The following MICU3 variants were observed in gnomAD, a reference collection of about 807,000 sequenced individuals.
MICU3 encodes mitochondrial calcium uptake 3, also known as calcium uptake protein 3, mitochondrial.
A neutral mutation model predicts 66.5 loss-of-function variants in MICU3; 62 were observed. That is an observed-to-expected ratio of 0.93 (90% CI 0.76 to 1.15). The LOEUF is 1.15. Ranked by LOEUF, MICU3 falls within the 50% of genes most tolerant of loss-of-function variation. MICU3 has a pLI of 0.00. For missense variants in MICU3, 779 were observed against 664.4 expected (o/e 1.17, Z -1.90); for synonymous variants, 308 against 240.7 (o/e 1.28, Z -2.59).
the MICU3 span, among the ~76,000 whole-genome samples, chr8:17,134,733 C>T: frequency 1.4e-4 from 22 of 152,220 alleles, no homozygotes; most frequent in East Asian, 1.7e-3. Flanking sequence ...CGTGAGCCAC[C>T]ACACTGGCCG....
chr8:17,134,235 G>C, the MICU3 span: 1 of 152,228 alleles, frequency 6.6e-6, no homozygotes, highest in Non-Finnish European at 1.5e-5. Flanking sequence ...AAGATCTGCA[G>C]GGGGAGGTGG....
At chr8:17,102,743 G>A (rs1248245444) in intron 9 of MICU3, 1 of 151,860 alleles carries the variant, frequency 6.6e-6, no homozygotes, top group East Asian at 1.9e-4. Context: ...TGTGACACTT[G>A]GCTACCTGGC....
At chr8:17,042,711 A>G (rs1814360072) in intron 1 of MICU3, among the ~76,000 whole-genome samples, 1 of 152,118 alleles carries the variant, frequency 6.6e-6, no homozygotes, top group African/African-American at 2.4e-5. Context: ...CCTATTTTCT[A>G]ATTAATTGTC....
intron 4 of MICU3, among the ~76,000 whole-genome samples, chr8:17,080,693 C>T (rs1202918529): frequency 6.6e-6 from 1 of 152,082 alleles, no homozygotes; most frequent in Non-Finnish European, 1.5e-5. Flanking sequence ...CTAGTATAAA[C>T]AAAAGAAGGG....
At chr8:17,112,553 A>T (rs538300413) in intron 11 of MICU3, among the ~76,000 whole-genome samples, 2 of 152,166 alleles carry the variant, frequency 1.3e-5, no homozygotes, top group East Asian at 3.9e-4. Context: ...TTCTAAACAC[A>T]AAGTGTTTAA....
At chr8:17,074,615 G>T (rs964976143) in intron 3 of MICU3, among the ~76,000 whole-genome samples, 33 of 151,586 alleles carry the variant, frequency 2.2e-4, no homozygotes, top group South Asian at 1.0e-3. Context: ...GTGTGTGTGT[G>T]TGTGTGTGTG....
At position 17,086,034 on chromosome 8, in the gene MICU3, T is replaced by G. The variant is rs530755955; in HGVS notation, c.777+716T>G. ...ATTCCTTAGAGTAACATGCTCTGCT[T>G]TTAGCATATATATTACACTCTGTCT... On this transcript the variant is annotated intron_variant, in intron 6 of 14. Coordinates refer to ENST00000318063, the MANE Select transcript of MICU3 (RefSeq NM_181723.3). Among the ~76,000 whole-genome samples, 3 of 152,230 alleles carry G rather than the reference T, an allele frequency of 2.0e-5. No individual in the cohort carries two copies. The East Asian group carries it at 5.8e-4, about 29-fold the overall frequency.
chr8:17,052,313 G>C (rs534411853), intron 1 of MICU3, among the ~76,000 whole-genome samples: 2 of 152,106 alleles, frequency 1.3e-5, no homozygotes, highest in South Asian at 2.1e-4. Context: ...AAGGTATTTA[G>C]GTTATCCATC....
the MICU3 span, among the ~76,000 whole-genome samples, chr8:17,135,843 G>T: frequency 2.7e-4 from 41 of 151,968 alleles, no homozygotes; most frequent in Non-Finnish European, 5.1e-4. Flanking sequence ...TGATAAATCG[G>T]TTATATCATT....
intron 11 of MICU3, among the ~76,000 whole-genome samples, chr8:17,107,441 G>A (rs1008667253): frequency 2.0e-5 from 3 of 152,124 alleles, no homozygotes; most frequent in African/African-American, 7.2e-5. Flanking sequence ...AATTGTAGGC[G>A]ATGAGTAAGG....
chr8:17,113,479 T>C (rs1328341363), intron 11 of MICU3, among the ~76,000 whole-genome samples: 1 of 152,230 alleles, frequency 6.6e-6, no homozygotes, highest in Non-Finnish European at 1.5e-5. Flanking sequence ...CACCAGTCCT[T>C]TACATTATCC....
Position 17,027,637 on chromosome 8 carries a change from C to A in MICU3, c.358C>A (p.Pro120Thr). The A allele has an allele frequency of 2.3e-6, 3 of 1,304,682 alleles. No homozygotes were observed. 80.8% of individuals were successfully genotyped at this position (1,304,682 alleles called of 1,614,324 possible). The change falls in exon 1 of 15, where the codon CCA (proline) becomes ACA (threonine). Residue 120 changes from proline to threonine, a missense_variant. Transcript: ENST00000318063. ...PPRGRGMLPI[P>T]VAAAKETVAI... is the part of the protein sequence containing the mutation. ...CCGCGGCCGGGGGATGCTGCCCATC[C>A]CAGTGGCGGCTGCCAAGGAGACGGT...
At position 17,118,772 on chromosome 8, in the gene MICU3, A is replaced by G. The variant is rs537424010; in HGVS notation, c.1590A>G (p.Arg530=). The change falls in exon 14 of 15, where the codon AGA becomes AGG. Residue 530 remains arginine (R), a synonymous_variant. Coordinates refer to ENST00000318063, the MANE Select transcript of MICU3 (RefSeq NM_181723.3). ...GCCTGAAGAAAGAACTTCACAGCAGATAAGTATGTTAGCTTCTATTTGTCT... is the reference window on the plus strand; with the variant it reads ...GCCTGAAGAAAGAACTTCACAGCAGGTAAGTATGTTAGCTTCTATTTGTCT... ...KSCLKKELHS[R] is the part of the protein sequence containing the mutation. The G allele has an allele frequency of 6.2e-6, 10 of 1,603,522 alleles. No homozygotes were observed. The highest frequency in any genetic ancestry group is 2.2e-5 in the East Asian group (1 of 44,762).
At chr8:17,108,533 G>A (rs1474920658) in intron 11 of MICU3, among the ~76,000 whole-genome samples, 1 of 151,958 alleles carries the variant, frequency 6.6e-6, no homozygotes, top group African/African-American at 2.4e-5. Flanking sequence ...TAGTTCTTGT[G>A]GCCAAAATTT....
chr8:17,035,388 A>G (rs1424621875), intron 1 of MICU3, among the ~76,000 whole-genome samples: 1 of 152,212 alleles, frequency 6.6e-6, no homozygotes, highest in African/African-American at 2.4e-5. Context: ...AAGAAAACAC[A>G]AAAATATGGG....
downstream of MICU3, among the ~76,000 whole-genome samples, chr8:17,125,129 G>A (rs200781361): frequency 1.3e-5 from 2 of 150,742 alleles, no homozygotes; most frequent in Non-Finnish European, 3.0e-5. Context: ...TCTCCTATGA[G>A]TATAGCCTGT....
chr8:17,060,722 G>A (rs1817697617), intron 1 of MICU3, among the ~76,000 whole-genome samples: 1 of 152,086 alleles, frequency 6.6e-6, no homozygotes, highest in Admixed American at 6.5e-5. Context: ...GAAGCAACCA[G>A]TTGGTGGTAC....
chr8:17,042,739 C>T (rs535671311), intron 1 of MICU3, among the ~76,000 whole-genome samples: 56 of 152,168 alleles, frequency 3.7e-4, no homozygotes, highest in African/African-American at 1.3e-3. Flanking sequence ...CCTTCTAAAA[C>T]TCCATTTCTA....
At chr8:17,077,470 T>G (rs897239710) in intron 3 of MICU3, among the ~76,000 whole-genome samples, 2 of 152,192 alleles carry the variant, frequency 1.3e-5, no homozygotes, top group African/African-American at 4.8e-5. Flanking sequence ...TATAACTGGC[T>G]CCAGGACTTA....
Sources: allele counts gnomAD v4.1 joint callset (sites outside exome capture counted in the v4.1 genomes callset), GRCh38; gene constraint gnomAD v4.1.1; transcripts MANE v1.5; gene names NCBI Gene and HGNC (gene_info 2026-07-23, HGNC 2026-07-21).